The following PPP1R3A variants were observed in gnomAD, a reference collection of about 807,000 sequenced individuals.
PPP1R3A encodes RG1.
In PPP1R3A, 29 loss-of-function variants were observed where a neutral mutation model predicts 41.7. That is an observed-to-expected ratio of 0.70 (90% CI 0.52 to 0.95). The LOEUF is 0.95. Among genes scored for constraint, PPP1R3A ranks in the 40% least tolerant of loss-of-function variants. PPP1R3A has a pLI of 0.00. For missense variants in PPP1R3A, 1,352 were observed against 1,292.4 expected (o/e 1.05, Z -0.71); for synonymous variants, 485 against 453.4 (o/e 1.07, Z -0.89).
At chr7:113,883,400 C>T (rs141323139) in intron 1 of PPP1R3A, among the ~76,000 whole-genome samples, 15 of 152,066 alleles carry the variant, frequency 9.9e-5, no homozygotes, top group African/African-American at 3.4e-4. Flanking sequence ...ATTCACAAAT[C>T]ATGAGAAATT....
At chr7:113,889,576 G>C (rs528708930) in intron 1 of PPP1R3A, among the ~76,000 whole-genome samples, 3 of 152,050 alleles carry the variant, frequency 2.0e-5, no homozygotes, top group Non-Finnish European at 4.4e-5. Flanking sequence ...TTGCACAAAG[G>C]CTTGCACTAT....
rs1796643593 is a variant in PPP1R3A, at chr7:113,879,503, T to C, written c.1589A>G (p.Gln530Arg). The C allele has an allele frequency of 6.2e-7, 1 of 1,613,222 alleles. No individual in the cohort carries two copies. Among genetic ancestry groups the C allele is most frequent in the East Asian group, 2.2e-5 (1 of 44,834 alleles). The change falls in exon 4 of 4, where the codon CAA becomes CGA. Residue 530 changes from glutamine (Q) to arginine (R), a missense_variant. Physicochemically the swap from Gln to Arg is conservative, Grantham distance 43 (BLOSUM62 1). Coordinates refer to ENST00000284601, the MANE Select transcript of PPP1R3A (RefSeq NM_002711.4). ...TAAGATTGTTTGGAAATTTTTTCTT[T>C]GTTTTTCATTAACACCTAAATATAT... ...QRIYLGVNEKQRKNFQTILHD... is the reference protein window; with the variant it reads ...QRIYLGVNEKRRKNFQTILHD...
intron 1 of PPP1R3A, among the ~76,000 whole-genome samples, chr7:113,911,709 C>T (rs1797254936): frequency 6.6e-6 from 1 of 152,044 alleles, no homozygotes; most frequent in Non-Finnish European, 1.5e-5. Flanking sequence ...ACTCGTCTCC[C>T]TGGCTAGTCC....
intron 1 of PPP1R3A, among the ~76,000 whole-genome samples, chr7:113,915,850 C>T (rs1043667154): frequency 6.6e-6 from 1 of 151,860 alleles, no homozygotes; most frequent in Non-Finnish European, 1.5e-5. Context: ...TGCTATTTTT[C>T]TCTAACCAAA....
chr7:113,902,217 T>A (rs1797073617), intron 1 of PPP1R3A, among the ~76,000 whole-genome samples: 1 of 151,704 alleles, frequency 6.6e-6, no homozygotes, highest in African/African-American at 2.4e-5. Flanking sequence ...AGACTCCAAC[T>A]CCTGAACTCA....
At chr7:113,884,326 TAGC>T (rs1472028212) in intron 1 of PPP1R3A, among the ~76,000 whole-genome samples, 7 of 151,998 alleles carry the variant, frequency 4.6e-5, no homozygotes, top group Admixed American at 4.6e-4. Context: ...TTCTGAGAAA[TAGC>T]AGGGAGGAGG....
intron 1 of PPP1R3A, among the ~76,000 whole-genome samples, chr7:113,903,141 G>C (rs1420875105): frequency 2.0e-5 from 3 of 151,694 alleles, no homozygotes; most frequent in Admixed American, 2.0e-4. Context: ...CATCTAAGAG[G>C]ATAAAGATTG....
intron 1 of PPP1R3A, among the ~76,000 whole-genome samples, chr7:113,913,733 A>G (rs1797291783): frequency 6.6e-6 from 1 of 152,142 alleles, no homozygotes; most frequent in Non-Finnish European, 1.5e-5. Context: ...ACCACCCCCC[A>G]GGCCAGTAAG....
At chr7:113,909,858 C>A (rs1797213527) in intron 1 of PPP1R3A, among the ~76,000 whole-genome samples, 1 of 151,976 alleles carries the variant, frequency 6.6e-6, no homozygotes. Context: ...TGGAACTTTT[C>A]TGATAGAACA....
At chr7:113,887,252 A>C (rs1369597407) in intron 1 of PPP1R3A, among the ~76,000 whole-genome samples, 1 of 152,100 alleles carries the variant, frequency 6.6e-6, no homozygotes, top group African/African-American at 2.4e-5. Flanking sequence ...TAAAATCATT[A>C]TAATTTTAGA....
chr7:113,886,384 C>A (rs1289549059), intron 1 of PPP1R3A, among the ~76,000 whole-genome samples: 2 of 152,092 alleles, frequency 1.3e-5, no homozygotes, highest in Non-Finnish European at 2.9e-5. Context: ...TTTCCCTGCA[C>A]AAGCTCTCTC....
At position 113,878,299 on chromosome 7, in the gene PPP1R3A, T is replaced by C; in HGVS notation, c.2793A>G (p.Ala931=). The C allele has an allele frequency of 1.2e-6, 2 of 1,613,224 alleles. No homozygotes were observed. Among genetic ancestry groups the C allele is most frequent in the Non-Finnish European group, 1.7e-6 (2 of 1,179,602 alleles). The change falls in exon 4 of 4, where the codon GCA becomes GCG. Residue 931 remains alanine (A), a synonymous_variant. Coordinates refer to ENST00000284601, the MANE Select transcript of PPP1R3A (RefSeq NM_002711.4). The part of the protein sequence containing the change: ...TEISVSTNEQ[A]IAVENAVTTM... ...TAGTAACTGCATTCTCTACAGCAAT[T>C]GCCTGCTCATTAGTTGACACTGAAA...
At chr7:113,884,240 C>T (rs1275003406) in intron 1 of PPP1R3A, among the ~76,000 whole-genome samples, 2 of 151,926 alleles carry the variant, frequency 1.3e-5, no homozygotes, top group Non-Finnish European at 2.9e-5. Context: ...CTAATCAAAA[C>T]ACCAAAACAT....
intron 1 of PPP1R3A, among the ~76,000 whole-genome samples, chr7:113,908,501 C>T (rs1408743794): frequency 1.3e-5 from 2 of 151,822 alleles, no homozygotes; most frequent in Non-Finnish European, 2.9e-5. Context: ...GAACAAATAG[C>T]TTTTAGTTAA....
rs544391269 is a variant in PPP1R3A at position 113,917,681 on chromosome 7, C to A, written c.782+534G>T. ...TTTCTGTTAATCATTAAGGTCATTTCTTTTATAATTTAAATTAACATGTAT... is the reference window on the plus strand; with the variant it reads ...TTTCTGTTAATCATTAAGGTCATTTATTTTATAATTTAAATTAACATGTAT... On this transcript the variant is annotated intron_variant, in intron 1 of 3. Transcript: ENST00000284601. Among the ~76,000 whole-genome samples, 163 of 152,020 alleles carry A rather than the reference C, an allele frequency of 1.1e-3. 1 individual carries two copies. The highest frequency in any genetic ancestry group is 3.9e-3 in the African/African-American group (160 of 41,488).
chr7:113,905,896 T>TA (rs1797138086), intron 1 of PPP1R3A, among the ~76,000 whole-genome samples: 1 of 151,814 alleles, frequency 6.6e-6, no homozygotes, highest in Non-Finnish European at 1.5e-5. Context: ...GGTCTTTTGT[T>TA]ATTCAGCCTA....
intron 1 of PPP1R3A, among the ~76,000 whole-genome samples, chr7:113,893,950 C>T (rs10227142): frequency 0.07 from 10,684 of 151,946 alleles, 543 homozygotes; most frequent in African/African-American, 0.15. Flanking sequence ...TTTTTTAACT[C>T]TTCAGTTCCT....
chr7:113,910,140 T>C (rs1324233083), intron 1 of PPP1R3A, among the ~76,000 whole-genome samples: 1 of 151,986 alleles, frequency 6.6e-6, no homozygotes, highest in Non-Finnish European at 1.5e-5. Context: ...ACGAGAACAG[T>C]ATGGGGGAAC....
Position 113,918,422 on chromosome 7 carries a change from A to G in PPP1R3A, c.575T>C (p.Ile192Thr), listed in dbSNP as rs899006464. ...TTTTTGATAAGGAGGAACCAATACA[A>G]TCTTAAAGGAGAACTGGTCAGTTTC... ...DGETDQFSFK[I>T]VLVPPYQKDG... The change falls in exon 1 of 4, where the codon ATT becomes ACT. Residue 192 changes from isoleucine (I) to threonine (T), a missense_variant. Ile to Thr is a moderately conservative substitution (Grantham distance 89). Coordinates refer to ENST00000284601, the MANE Select transcript of PPP1R3A (RefSeq NM_002711.4). The G allele has an allele frequency of 6.2e-7, 1 of 1,613,354 alleles. No individual in the cohort carries two copies. The highest frequency in any genetic ancestry group is 1.7e-5 in the Admixed American group (1 of 59,916).
Sources: gnomAD v4.1 joint callset for allele counts (sites outside exome capture counted in the v4.1 genomes callset) on GRCh38, gnomAD v4.1.1 for gene constraint, MANE v1.5 for transcripts, NCBI Gene and HGNC (gene_info 2026-07-23, HGNC 2026-07-21) for gene names.